The following DENND2C variants were observed in gnomAD, a reference collection of about 807,000 sequenced individuals.
The protein encoded by DENND2C is DENN domain containing 2C, also known as DENN domain-containing protein 2C.
A neutral mutation model predicts 112.4 loss-of-function variants in DENND2C; 72 were observed. The ratio of observed to expected loss-of-function variants is 0.64; its 90% CI spans 0.53 to 0.78. DENND2C has a LOEUF of 0.78. Ranked by LOEUF, DENND2C falls within the 30% of genes least tolerant of loss-of-function variation. The pLI, the probability that DENND2C is intolerant of heterozygous loss-of-function variation, is 0.00. For missense variants in DENND2C, 992 were observed against 1,113.8 expected (o/e 0.89, Z 1.56); for synonymous variants, 329 against 381.6 (o/e 0.86, Z 1.61).
At chr1:114,634,170 C>T (rs1166109508) in intron 3 of DENND2C, among the ~76,000 whole-genome samples, 1 of 152,072 alleles carries the variant, frequency 6.6e-6, no homozygotes, top group East Asian at 1.9e-4. Context: ...GACAAATCCA[C>T]AATTTTAGTT....
chr1:114,643,080 A>G (rs1020198045), intron 3 of DENND2C, among the ~76,000 whole-genome samples: 9 of 152,176 alleles, frequency 5.9e-5, no homozygotes, highest in African/African-American at 2.2e-4. Context: ...CTTGCTGGAG[A>G]CACTTAGAAA....
intron 18 of DENND2C, chr1:114,588,559 C>G (rs1365748077): frequency 1.3e-5 from 2 of 152,718 alleles, no homozygotes; most frequent in Non-Finnish European, 2.9e-5. Context: ...TCTACATTTT[C>G]AGGCTACCTA....
intron 10 of DENND2C, among the ~76,000 whole-genome samples, chr1:114,606,403 G>A (rs1655657911): frequency 6.6e-6 from 1 of 152,110 alleles, no homozygotes; most frequent in African/African-American, 2.4e-5. Flanking sequence ...TTAGATTCCA[G>A]TACAGTTGTA....
At position 114,585,123 on chromosome 1, in the gene DENND2C, A is replaced by G. The variant is rs1655007576; in HGVS notation, c.*477T>C. On this transcript the variant is annotated 3_prime_UTR_variant, in exon 21 of 21. Coordinates refer to ENST00000393274, the MANE Select transcript of DENND2C (RefSeq NM_001256404.2). The stretch of plus-strand genomic sequence containing the variant: ...GTCTATTCCTTAGCCCAGGTCAAAC[A>G]GCCCATGGGTTTAAAGGGGCCATGA... The G allele has an allele frequency of 6.4e-6, 1 of 156,290 alleles. No individual in the cohort carries two copies. Among genetic ancestry groups the G allele is most frequent in the Non-Finnish European group, 1.4e-5 (1 of 70,600 alleles). The allele number at this position is 156,290 out of a possible 1,614,324, so 9.7% of individuals were successfully genotyped here. A position where few individuals can be genotyped will look rare whatever the true frequency, so the allele number is the denominator to read the frequency against.
At chr1:114,665,201 C>T (rs1462306932) in intron 1 of DENND2C, among the ~76,000 whole-genome samples, 5 of 150,596 alleles carry the variant, frequency 3.3e-5, no homozygotes, top group Admixed American at 6.6e-5. Context: ...CCCAAGAGGT[C>T]CAGGCTGCAG....
intron 10 of DENND2C, among the ~76,000 whole-genome samples, chr1:114,607,714 A>T (rs180706209): frequency 4.7e-4 from 72 of 152,236 alleles, no homozygotes; most frequent in South Asian, 1.9e-3. Flanking sequence ...ACAATTTTTT[A>T]AAAAAAGGTA....
intron 3 of DENND2C, among the ~76,000 whole-genome samples, chr1:114,639,380 A>G (rs1656753483): frequency 6.6e-6 from 1 of 151,994 alleles, no homozygotes; most frequent in Non-Finnish European, 1.5e-5. Context: ...GGAGTTTGAG[A>G]CCAGCCTGGC....
At chr1:114,601,042 T>G (rs1033927128) in intron 13 of DENND2C, 82 bp from the exon 14 acceptor site, 1 of 1,423,772 alleles carries the variant, frequency 7.0e-7, no homozygotes, top group African/African-American at 1.4e-5. Context: ...CCAAACCTGG[T>G]GTACAAACTT....
In DENND2C at chr1:114,621,980, T is replaced by A; in HGVS notation, c.1142A>T (p.Asp381Val). The A allele has an allele frequency of 1.3e-6, 2 of 1,550,948 alleles. No individual in the cohort carries two copies. Among genetic ancestry groups the A allele is most frequent in the South Asian group, 2.4e-5 (2 of 84,058 alleles). Residue 381 changes from aspartate (D) to valine (V), a missense_variant, in exon 7 of 21, where the codon GAT becomes GTT. Asp to Val is a radical substitution (Grantham distance 152). This residue lies in a region of DENND2C where 470 missense variants were observed against 472.7 expected (regional missense o/e 0.99). Transcript: ENST00000393274. ...QAYLRSKLTK[D>V]TTLPVTLTEW... is the part of the protein sequence containing the mutation. ...CGTTAAAGTGACCGGCAAAGTTGTA[T>A]CTTTTGTAAGCTTTGACCGCAAATA...
intron 1 of DENND2C, among the ~76,000 whole-genome samples, chr1:114,664,373 T>C (rs963631048): frequency 1.3e-4 from 20 of 152,114 alleles, no homozygotes; most frequent in Non-Finnish European, 2.4e-4. Flanking sequence ...AACACTTGGA[T>C]AGGCTGAGGC....
At chr1:114,617,274 TGTAA>T (rs1655997151) in intron 8 of DENND2C, among the ~76,000 whole-genome samples, 1 of 152,210 alleles carries the variant, frequency 6.6e-6, no homozygotes, top group South Asian at 2.1e-4. Flanking sequence ...TAATTAACAA[TGTAA>T]GTTTTATCTA....
At chr1:114,635,032 A>C (rs1372235744) in intron 3 of DENND2C, among the ~76,000 whole-genome samples, 4 of 151,336 alleles carry the variant, frequency 2.6e-5, no homozygotes, top group African/African-American at 9.7e-5. Context: ...CGTCTAAAAA[A>C]AAAAAAAAAA....
At chr1:114,618,878 T>A (rs1397701468) in intron 7 of DENND2C, among the ~76,000 whole-genome samples, 3 of 152,194 alleles carry the variant, frequency 2.0e-5, no homozygotes, top group Non-Finnish European at 4.4e-5. Context: ...CAGGGTGAGG[T>A]ATAGTTATTT....
rs1171140773 is a variant in DENND2C, at chr1:114,594,474, T to A, written c.2430A>T (p.Gln810His). ...GTCCTTGGCTCACTTGTCTCATACC[T>A]TGTGAAAAATTCTGCTCCTGAGTCA... is the stretch of plus-strand genomic sequence containing the variant. Reference protein sequence around the residue: ...EILTQEQNFSQDVTLNSLVSE... With the variant: ...EILTQEQNFSHDVTLNSLVSE... Residue 810 changes from glutamine to histidine, a missense_variant and splice_region_variant, in exon 18 of 21, where the codon CAA becomes CAT. Around this residue, in one of 3 missense-constraint regions of DENND2C, gnomAD observed 516 missense variants for 623.6 expected, o/e 0.83. Transcript: ENST00000393274. 1 of 1,613,380 alleles carries A rather than the reference T, an allele frequency of 6.2e-7. No individual in the cohort carries two copies. The highest frequency in any genetic ancestry group is 8.5e-7 in the Non-Finnish European group (1 of 1,179,356).
At chr1:114,613,566 T>G (rs895874521) in intron 8 of DENND2C, among the ~76,000 whole-genome samples, 2 of 152,048 alleles carry the variant, frequency 1.3e-5, no homozygotes, top group African/African-American at 2.4e-5. Context: ...GAGAAAGAAA[T>G]AAACACTGTG....
At chr1:114,656,825 C>G (rs1483274293) in intron 1 of DENND2C, among the ~76,000 whole-genome samples, 3 of 152,070 alleles carry the variant, frequency 2.0e-5, no homozygotes, top group Non-Finnish European at 4.4e-5. Context: ...AGTCTTGGCT[C>G]ACTGCAACCT....
At chr1:114,587,203 T>A (rs116313475) in intron 20 of DENND2C, 184 bp downstream of exon 20, 4 of 651,996 alleles carry the variant, frequency 6.1e-6, no homozygotes, top group Non-Finnish European at 1.1e-5. Context: ...TGCCCAACCA[T>A]GCCCAGCTAA....
intron 3 of DENND2C, among the ~76,000 whole-genome samples, chr1:114,633,730 A>G (rs1656566347): frequency 6.6e-6 from 1 of 152,188 alleles, no homozygotes; most frequent in Non-Finnish European, 1.5e-5. Context: ...CAACAATAGT[A>G]AAAAACTCAC....
At chr1:114,600,096 A>G (rs1004501791) in intron 15 of DENND2C, 108 bp downstream of exon 15, 87 of 1,261,480 alleles carry the variant, frequency 6.9e-5, no homozygotes, top group Admixed American at 8.2e-5. Flanking sequence ...GTGCACATGT[A>G]CCCTAGAACT....
Sources: allele counts gnomAD v4.1 joint callset (sites outside exome capture counted in the v4.1 genomes callset), GRCh38; gene constraint gnomAD v4.1.1; regional missense constraint gnomAD v4.1.1; transcripts MANE v1.5; gene names NCBI Gene and HGNC (gene_info 2026-07-23, HGNC 2026-07-21).